Variants in GALNT12 observed in about 807,000 individuals in gnomAD.
GALNT12 encodes the protein polypeptide N-acetylgalactosaminyltransferase 12.
In GALNT12, 45 loss-of-function variants were observed where a neutral mutation model predicts 55.5. That is an observed-to-expected ratio of 0.81 (90% CI 0.64 to 1.04). The LOEUF (loss-of-function observed/expected upper bound fraction) is 1.04. Among genes scored for constraint, GALNT12 ranks in the 50% least tolerant of loss-of-function variants. The pLI is 0.00. For synonymous variants in GALNT12, 304 were observed against 312.2 expected, an observed-to-expected ratio of 0.97 and a Z score of 0.28; for missense variants, 709 against 754.8, an observed-to-expected ratio of 0.94 and a Z score of 0.71.
intron 1 of GALNT12, among the ~76,000 whole-genome samples, chr9:98,808,514 C>G (rs1272801150): frequency 6.6e-6 from 1 of 152,226 alleles, no homozygotes; most frequent in African/African-American, 2.4e-5. Context: ...AAACAAGATG[C>G]GAGGGAGCGC....
intron 7 of GALNT12, among the ~76,000 whole-genome samples, chr9:98,841,809 T>C (rs1461882694): frequency 6.6e-6 from 1 of 152,074 alleles, no homozygotes; most frequent in African/African-American, 2.4e-5. Flanking sequence ...TAGCTGGGAT[T>C]ATAGGCACCT....
At chr9:98,827,466 C>T (rs1366868762) in intron 3 of GALNT12, among the ~76,000 whole-genome samples, 1 of 152,210 alleles carries the variant, frequency 6.6e-6, no homozygotes, top group Non-Finnish European at 1.5e-5. Context: ...AGCCACCACA[C>T]CGGCCTTATT....
chr9:98,836,508 G>A (rs551032423), intron 5 of GALNT12, among the ~76,000 whole-genome samples: 78 of 151,788 alleles, frequency 5.1e-4, no homozygotes, highest in African/African-American at 1.8e-3. Flanking sequence ...GTCTTTGGGT[G>A]TGCTTTTAAT....
At chr9:98,820,944 G>A (rs1036396188) in intron 1 of GALNT12, among the ~76,000 whole-genome samples, 2 of 152,142 alleles carry the variant, frequency 1.3e-5, no homozygotes, top group Non-Finnish European at 2.9e-5. Flanking sequence ...TATTAAAAAA[G>A]AGTCCTTACC....
chr9:98,837,786 A>T (rs1407504), intron 6 of GALNT12, among the ~76,000 whole-genome samples: 1 of 151,900 alleles, frequency 6.6e-6, no homozygotes, highest in African/African-American at 2.4e-5. Flanking sequence ...TGCCCTTGTT[A>T]TATATCACCT....
chr9:98,827,650 C>T (rs532717541), intron 3 of GALNT12, among the ~76,000 whole-genome samples: 1 of 152,170 alleles, frequency 6.6e-6, no homozygotes, highest in East Asian at 1.9e-4. Flanking sequence ...ATGCCTAGGG[C>T]CCATGAAACT....
intron 4 of GALNT12, among the ~76,000 whole-genome samples, chr9:98,834,462 T>A (rs1292348729): frequency 6.6e-6 from 1 of 152,242 alleles, no homozygotes; most frequent in Non-Finnish European, 1.5e-5. Context: ...TGTGCAACTC[T>A]GGGACGTGCT....
Position 98,808,085 on chromosome 9 carries a change from TG to T in GALNT12, c.371+20del. ...GGAACCCGCTGTGAGTGCACAGCTCTGGGGAGGAAGCCCGCCCTCAGAGCCC... is the reference window on the plus strand; with the variant it reads ...GGAACCCGCTGTGAGTGCACAGCTCTGGGAGGAAGCCCGCCCTCAGAGCCC... On this transcript the variant is annotated intron_variant, in intron 1 of 9. Coordinates refer to ENST00000375011, the MANE Select transcript of GALNT12 (RefSeq NM_024642.5). 1 of 1,558,404 alleles carries T rather than the reference TG, an allele frequency of 6.4e-7. No individual in the cohort carries two copies. The highest frequency in any genetic ancestry group is 1.3e-5 in the African/African-American group (1 of 74,134).
intron 1 of GALNT12, among the ~76,000 whole-genome samples, chr9:98,818,230 T>C (rs537909594): frequency 1.3e-3 from 185 of 146,616 alleles, no homozygotes; most frequent in Middle Eastern, 0.011. Flanking sequence ...AACTTATTAT[T>C]TTTTTTTTTT....
At position 98,807,692 on chromosome 9, in the gene GALNT12, CG is replaced by C. The variant is rs1485372066; in HGVS notation, c.-4del. ...CGCGCAGATCGCTGGCTGCAGTTGG[CG>C]GGCGCATGTGGGGGCGCACGGCGCG... is the stretch of plus-strand genomic sequence containing the variant. On this transcript the variant is annotated 5_prime_UTR_variant, in exon 1 of 10. Transcript: ENST00000375011. The C allele has an allele frequency of 8.8e-6, 10 of 1,134,972 alleles. No homozygotes were observed. Among genetic ancestry groups the C allele is most frequent in the Non-Finnish European group, 9.7e-6 (9 of 928,400 alleles). 70.3% of individuals were successfully genotyped at this position (1,134,972 alleles called of 1,614,324 possible).
At position 98,837,159 on chromosome 9, in the gene GALNT12, C is replaced by T. The variant is rs377318165; in HGVS notation, c.1212+11C>T. 2.0e-5 allele frequency: 32 copies of T among 1,613,810 alleles called. No homozygotes were observed. The highest frequency in any genetic ancestry group is 5.5e-5 in the South Asian group (5 of 91,054). Reference sequence around the variant, plus strand: ...CCCCGTGCCCGCTTGGTGAGTTCCTCGGCCCACCTGCACTCCATCTGGCTT... The same window carrying T: ...CCCCGTGCCCGCTTGGTGAGTTCCTTGGCCCACCTGCACTCCATCTGGCTT... On this transcript the variant is annotated intron_variant, in intron 6 of 9. Coordinates refer to ENST00000375011, the MANE Select transcript of GALNT12 (RefSeq NM_024642.5).
At chr9:98,836,735 A>G (rs2118448323) in intron 5 of GALNT12, among the ~76,000 whole-genome samples, 1 of 152,140 alleles carries the variant, frequency 6.6e-6, no homozygotes, top group South Asian at 2.1e-4. Context: ...GCTTTAGTGC[A>G]TGGACTTTGG....
chr9:98,834,973 T>TC (rs564005410), intron 4 of GALNT12, among the ~76,000 whole-genome samples: 1 of 152,126 alleles, frequency 6.6e-6, no homozygotes, highest in Non-Finnish European at 1.5e-5. Context: ...CCTGCCCTCC[T>TC]CAGTGTTCTC....
Position 98,823,435 on chromosome 9 carries a change from G to A in GALNT12, c.541+10G>A, listed in dbSNP as rs748355501. 35 of 1,613,078 alleles carry A rather than the reference G, an allele frequency of 2.2e-5. No individual in the cohort carries two copies. Among genetic ancestry groups the A allele is most frequent in the South Asian group, 8.8e-5 (8 of 91,044 alleles). On this transcript the variant is annotated intron_variant, in intron 2 of 9. Coordinates refer to ENST00000375011, the MANE Select transcript of GALNT12 (RefSeq NM_024642.5). Reference sequence around the variant, plus strand: ...GACTACAGTGATAGAGGTGAGTCCCGGCCAGGGCTCTGGGAAGAGCCTGTC... The same window carrying A: ...GACTACAGTGATAGAGGTGAGTCCCAGCCAGGGCTCTGGGAAGAGCCTGTC...
chr9:98,844,210 G>A lies in GALNT12; in HGVS notation c.1458+1G>A. On this transcript the variant is annotated splice_donor_variant, in intron 8 of 9. Coordinates refer to ENST00000375011, the MANE Select transcript of GALNT12 (RefSeq NM_024642.5). LOFTEE classifies it high-confidence loss of function. ...CTGTCATGGGATGGGCCAGAATCAG[G>A]TAGGTATGAGCCTCAAAAGAGGAGA... 1 of 1,553,444 alleles carries A rather than the reference G, an allele frequency of 6.4e-7. No individual in the cohort carries two copies. The highest frequency in any genetic ancestry group is 1.1e-5 in the South Asian group (1 of 89,846).
At chr9:98,836,464 G>A (rs1280420380) in intron 5 of GALNT12, among the ~76,000 whole-genome samples, 1 of 152,192 alleles carries the variant, frequency 6.6e-6, no homozygotes, top group Non-Finnish European at 1.5e-5. Flanking sequence ...GTCAGTCCCA[G>A]TGTGAGATGG....
At chr9:98,831,084 T>C (rs1835982578) in intron 3 of GALNT12, among the ~76,000 whole-genome samples, 1 of 152,200 alleles carries the variant, frequency 6.6e-6, no homozygotes, top group African/African-American at 2.4e-5. Flanking sequence ...TGTAATAATG[T>C]GGAGAGAACC....
intron 3 of GALNT12, among the ~76,000 whole-genome samples, chr9:98,830,909 C>T (rs1564255334): frequency 6.6e-6 from 1 of 152,172 alleles, no homozygotes; most frequent in Non-Finnish European, 1.5e-5. Context: ...TCCTGTGTGG[C>T]AGGACTCTTA....
At chr9:98,816,264 A>G (rs1835607869) in intron 1 of GALNT12, among the ~76,000 whole-genome samples, 1 of 152,158 alleles carries the variant, frequency 6.6e-6, no homozygotes, top group Admixed American at 6.5e-5. Context: ...TAAAGCTCTG[A>G]ATATTAATTG....
Sources: gnomAD v4.1 joint callset for allele counts (sites outside exome capture counted in the v4.1 genomes callset) on GRCh38, gnomAD v4.1.1 for gene constraint, MANE v1.5 for transcripts, NCBI Gene and HGNC (gene_info 2026-07-23, HGNC 2026-07-21) for gene names.